The following RC3H1 variants were observed in gnomAD, a reference collection of about 807,000 sequenced individuals.
The protein encoded by RC3H1 is roquin-1.
Under a neutral mutation model 138.2 loss-of-function variants are expected in RC3H1, and 50 were observed. The ratio of observed to expected loss-of-function variants is 0.36; its 90% CI spans 0.29 to 0.46. RC3H1 has a LOEUF of 0.46. RC3H1 is among the 20% of genes least tolerant of loss of function. The pLI is 1.00. For synonymous variants in RC3H1, 462 were observed against 489.1 expected (o/e 0.94, Z 0.73); for missense variants, 1,031 against 1,388.1 (o/e 0.74, Z 4.09).
chr1:173,940,542 A>ACAATATT (rs148437633), intron 19 of RC3H1, among the ~76,000 whole-genome samples: 14,095 of 152,198 alleles, frequency 0.093, 851 homozygotes, highest in East Asian at 0.22. Context: ...TATTGGAATT[A>ACAATATT]CAGGCAATTT....
At position 173,936,763 on chromosome 1, in the gene RC3H1, T is replaced by TATA. The variant is rs1557913770; in HGVS notation, c.*1957_*1958insTAT. 1.7e-3 allele frequency: 31 copies of TATA among 18,228 alleles called. No individual in the cohort carries two copies. The highest frequency in any genetic ancestry group is 5.2e-3 in the South Asian group (2 of 382). 1.1% of individuals were successfully genotyped at this position (18,228 alleles called of 1,614,324 possible). ...TATATATATATATATATATATATATTTTTTTTTTTTTTTTTAAAAAAAGAA... is the reference window on the plus strand; with the variant it reads ...TATATATATATATATATATATATATTATATTTTTTTTTTTTTTTAAAAAAAGAA... On this transcript the variant is annotated 3_prime_UTR_variant, in exon 20 of 20. Coordinates refer to ENST00000367696, the MANE Select transcript of RC3H1 (RefSeq NM_172071.4).
chr1:173,945,057 A>G (rs1440802777), intron 17 of RC3H1, among the ~76,000 whole-genome samples: 2 of 152,138 alleles, frequency 1.3e-5, no homozygotes, highest in African/African-American at 4.8e-5. Flanking sequence ...ATATGTTCCA[A>G]CGTAAAGGAT....
chr1:174,001,519 T>C (rs368859072), intron 1 of RC3H1, among the ~76,000 whole-genome samples: 19 of 152,294 alleles, frequency 1.2e-4, no homozygotes, highest in African/African-American at 4.6e-4. Context: ...CGATTTTGGC[T>C]CACTGCAACC....
chr1:173,949,213 A>C (rs1241743056), intron 14 of RC3H1, among the ~76,000 whole-genome samples: 1 of 151,702 alleles, frequency 6.6e-6, no homozygotes, highest in Non-Finnish European at 1.5e-5. Context: ...TCAGCATCCA[A>C]ATCTTTTTTT....
intron 1 of RC3H1, among the ~76,000 whole-genome samples, chr1:174,015,390 T>C (rs565691681): frequency 6.6e-6 from 1 of 150,972 alleles, no homozygotes; most frequent in South Asian, 2.1e-4. Context: ...TTGAGACAAG[T>C]CTCGCTCTGT....
At chr1:174,021,943 G>A (rs1301126603) in intron 1 of RC3H1, among the ~76,000 whole-genome samples, 153 bp downstream of exon 1, 1 of 152,224 alleles carries the variant, frequency 6.6e-6, no homozygotes. Flanking sequence ...CGGGGGCCCT[G>A]AGGAGCCTGG....
intron 11 of RC3H1, among the ~76,000 whole-genome samples, chr1:173,963,637 T>C (rs901943038): frequency 6.6e-6 from 1 of 152,200 alleles, no homozygotes; most frequent in Non-Finnish European, 1.5e-5. Context: ...TTTTTCATGC[T>C]TGAAGAAAAT....
chr1:174,007,395 A>C (rs1295091675), intron 1 of RC3H1, among the ~76,000 whole-genome samples: 1 of 152,080 alleles, frequency 6.6e-6, no homozygotes, highest in Admixed American at 6.6e-5. Flanking sequence ...ATCTCAAAAA[A>C]AAAAAAAATC....
intron 2 of RC3H1, among the ~76,000 whole-genome samples, chr1:173,991,889 T>A (rs947465803): frequency 1.3e-5 from 2 of 152,214 alleles, no homozygotes; most frequent in East Asian, 3.8e-4. Flanking sequence ...AATTTTATTT[T>A]TTTTATTGTG....
intron 7 of RC3H1, among the ~76,000 whole-genome samples, chr1:173,976,611 G>A (rs568170148): frequency 6.6e-6 from 1 of 152,252 alleles, no homozygotes; most frequent in East Asian, 1.9e-4. Flanking sequence ...GTTCAAGAGT[G>A]TGCCAAAAAA....
chr1:173,993,189 G>A (rs748835499), intron 1 of RC3H1, 54 bp from the exon 2 acceptor site: 5 of 549,524 alleles, frequency 9.1e-6, no homozygotes, highest in Non-Finnish European at 1.3e-5. Flanking sequence ...CAATTAAACT[G>A]TTGAAAAAGA....
chr1:173,984,563 A>C lies in RC3H1; in HGVS notation c.288T>G (p.Tyr96Ter). The change falls in exon 3 of 20, where the codon TAT (tyrosine) becomes TAG (stop). Residue 96 changes from tyrosine to a stop codon, truncating the protein, a stop_gained. Coordinates refer to ENST00000367696, the MANE Select transcript of RC3H1 (RefSeq NM_172071.4). LOFTEE classifies it high-confidence loss of function. ...LCSGVEDTKH[Y>*]EEAKKCVEEL... ...CTTCTACACATTTCTTGGCTTCCTC[A>C]TAATGCTTTGTGTCTTCAACCCCAC... 1 of 1,614,074 alleles carries C rather than the reference A, an allele frequency of 6.2e-7. No homozygotes were observed. Among genetic ancestry groups the C allele is most frequent in the East Asian group, 2.2e-5 (1 of 44,862 alleles).
At chr1:174,012,441 C>A (rs1386053436) in intron 1 of RC3H1, among the ~76,000 whole-genome samples, 1 of 151,872 alleles carries the variant, frequency 6.6e-6, no homozygotes, top group African/African-American at 2.4e-5. Context: ...GTCTCCAATA[C>A]CCTCTTCAAA....
chr1:173,989,366 T>A (rs563993912), intron 2 of RC3H1, among the ~76,000 whole-genome samples: 32 of 151,484 alleles, frequency 2.1e-4, no homozygotes, highest in South Asian at 1.5e-3. Flanking sequence ...CAGCAAAAAA[T>A]TTTTTTTTGT....
At position 173,936,891 on chromosome 1, in the gene RC3H1, G is replaced by C. The variant is rs1459777478; in HGVS notation, c.*1830C>G. Reference sequence around the variant, plus strand: ...TTTATCGCAACAGCTGCGCTCATGCGAAAAAATCCTTAAAACATACCCAAT... The same window carrying C: ...TTTATCGCAACAGCTGCGCTCATGCCAAAAAATCCTTAAAACATACCCAAT... On this transcript the variant is annotated 3_prime_UTR_variant, in exon 20 of 20. Transcript: ENST00000367696. The C allele has an allele frequency of 6.9e-6, 1 of 144,458 alleles. No individual in the cohort carries two copies. The highest frequency in any genetic ancestry group is 1.5e-5 in the Non-Finnish European group (1 of 66,262). The allele number at this position is 144,458 out of a possible 1,614,324, so 8.9% of individuals were successfully genotyped here.
At chr1:173,970,439 T>C (rs1660308158) in intron 9 of RC3H1, 66 bp downstream of exon 9, 1 of 1,001,070 alleles carries the variant, frequency 1.0e-6, no homozygotes, top group Non-Finnish European at 1.6e-6. Flanking sequence ...TCTTTCTGTA[T>C]TTCTGTATGT....
At chr1:173,966,303 G>A (rs1234153506) in intron 9 of RC3H1, among the ~76,000 whole-genome samples, 2 of 152,140 alleles carry the variant, frequency 1.3e-5, no homozygotes, top group African/African-American at 4.8e-5. Flanking sequence ...GGTACAACAA[G>A]CACATCGATT....
Position 173,931,926 on chromosome 1 carries a change from G to C in RC3H1, c.*6795C>G, listed in dbSNP as rs749298121. 1.1e-4 allele frequency: 17 copies of C among 151,854 alleles called. No individual in the cohort carries two copies. The highest frequency in any genetic ancestry group is 2.1e-4 in the South Asian group (1 of 4,818). The allele number at this position is 151,854 out of a possible 1,614,324, so 9.4% of individuals were successfully genotyped here. A position where few individuals can be genotyped will look rare whatever the true frequency, so the allele number is the denominator to read the frequency against. ...CTCAATTTTTTTTTTTCCTGAACAG[G>C]GGGGTGGAGGCAGGCAAGAAAGAAT... On this transcript the variant is annotated 3_prime_UTR_variant, in exon 20 of 20. Transcript: ENST00000367696.
At chr1:173,979,144 T>C (rs899172393) in intron 6 of RC3H1, among the ~76,000 whole-genome samples, 13 of 152,234 alleles carry the variant, frequency 8.5e-5, no homozygotes, top group South Asian at 8.3e-4. Flanking sequence ...GGACAGTGCA[T>C]ACACAGAACA....
Sources: allele counts gnomAD v4.1 joint callset (sites outside exome capture counted in the v4.1 genomes callset), GRCh38; gene constraint gnomAD v4.1.1; transcripts MANE v1.5; gene names NCBI Gene and HGNC (gene_info 2026-07-23, HGNC 2026-07-21).